MAK: variants seen among roughly 807,000 people sequenced by gnomAD.
MAK encodes the protein serine/threonine-protein kinase MAK.
A neutral mutation model predicts 82.6 loss-of-function variants in MAK; 65 were observed. That is an observed-to-expected ratio of 0.79 (90% confidence interval 0.64 to 0.97). The LOEUF (loss-of-function observed/expected upper bound fraction) is 0.97, where lower values mean the gene tolerates loss of function less well. Ranked by LOEUF, MAK falls within the 50% of genes least tolerant of loss-of-function variation. The probability of loss-of-function intolerance (pLI) is 0.00; values close to 1 mark genes in which losing one functional copy is unlikely to be tolerated. For synonymous variants in MAK, 250 were observed against 274.2 expected (o/e 0.91, Z 0.87); for missense variants, 703 against 780.2 (o/e 0.90, Z 1.18).
chr6:10,827,323 C>G (rs531607727), intron 2 of MAK, among the ~76,000 whole-genome samples: 1 of 152,040 alleles, frequency 6.6e-6, no homozygotes, highest in Admixed American at 6.5e-5. Flanking sequence ...TCTTTCCAGG[C>G]CTTTAAAAAT....
intron 2 of MAK, among the ~76,000 whole-genome samples, chr6:10,826,815 T>C (rs1334635763): frequency 6.6e-6 from 1 of 152,086 alleles, no homozygotes; most frequent in Non-Finnish European, 1.5e-5. Flanking sequence ...CTTTCCCAAT[T>C]AAAAGAGTAC....
rs375315958 is a variant in MAK at position 10,763,435 on chromosome 6, T to A, written c.*1017A>T. ...AAGTCATCAAGCCATTGGGCTTGATTGTCACCTTGAATTCATGGGAACTGT... is the reference window on the plus strand; with the variant it reads ...AAGTCATCAAGCCATTGGGCTTGATAGTCACCTTGAATTCATGGGAACTGT... On this transcript the variant is annotated 3_prime_UTR_variant, in exon 15 of 15. Transcript: ENST00000354489. The A allele has an allele frequency of 3.9e-5, 6 of 152,140 alleles. No homozygotes were observed. The highest frequency in any genetic ancestry group is 1.4e-4 in the African/African-American group (6 of 41,420). 9.4% of individuals were successfully genotyped at this position (152,140 alleles called of 1,614,324 possible). A position where few individuals can be genotyped will look rare whatever the true frequency, so the allele number is the denominator to read the frequency against.
Position 10,830,861 on chromosome 6 carries a change from C to G in MAK, c.-213G>C, listed in dbSNP as rs1778764947. ...GGAATCGGGCAAGGAAACAACACTT[C>G]CATTCTTATAAACACCCTAAAGAAA... On this transcript the variant is annotated 5_prime_UTR_variant, in exon 2 of 15. Coordinates refer to ENST00000354489, the MANE Select transcript of MAK (RefSeq NM_001242957.3). 1 of 572,736 alleles carries G rather than the reference C, an allele frequency of 1.7e-6. No homozygotes were observed. The highest frequency in any genetic ancestry group is 1.9e-5 in the South Asian group (1 of 51,874). 35.5% of individuals were successfully genotyped at this position (572,736 alleles called of 1,614,324 possible).
At chr6:10,796,378 G>GTT (rs1263993664) in intron 8 of MAK, 69 bp from the exon 9 acceptor site, 1 of 1,328,216 alleles carries the variant, frequency 7.5e-7, no homozygotes, top group Non-Finnish European at 1.1e-6. Context: ...ATAAACTATG[G>GTT]TTGGCCCTGT....
At chr6:10,777,218 C>T (rs1243578175) in intron 11 of MAK, among the ~76,000 whole-genome samples, 1 of 151,956 alleles carries the variant, frequency 6.6e-6, no homozygotes, top group Non-Finnish European at 1.5e-5. Context: ...ACAAGCCTGG[C>T]CAACATGGTG....
intron 11 of MAK, chr6:10,779,411 A>G (rs926381748): frequency 1.0e-6 from 1 of 985,242 alleles, no homozygotes. Flanking sequence ...TAGTAGTAGC[A>G]GGTCAGTAAC....
At chr6:10,788,134 G>T (rs1275474257) in intron 10 of MAK, among the ~76,000 whole-genome samples, 1 of 151,668 alleles carries the variant, frequency 6.6e-6, no homozygotes, top group Admixed American at 6.6e-5. Context: ...CGAACTACAG[G>T]TGTGGGCTAC....
intron 6 of MAK, among the ~76,000 whole-genome samples, chr6:10,808,238 CTTTT>C (rs1160181936): frequency 3.3e-5 from 5 of 152,100 alleles, no homozygotes; most frequent in African/African-American, 1.2e-4. Context: ...GGTATGTGCT[CTTTT>C]TCTCTTTGGG....
intron 10 of MAK, among the ~76,000 whole-genome samples, chr6:10,786,818 TATTCACCACTCCGCTA>T (rs1323554429): frequency 5.3e-5 from 7 of 132,374 alleles, no homozygotes; most frequent in Non-Finnish European, 9.5e-5. Context: ...GTTCACCTCC[TATTCACCACTCCGCTA>T]ATTCACCAGT....
At chr6:10,809,194 T>A (rs1776731907) in intron 5 of MAK, among the ~76,000 whole-genome samples, 1 of 152,148 alleles carries the variant, frequency 6.6e-6, no homozygotes, top group African/African-American at 2.4e-5. Flanking sequence ...AACATTTATT[T>A]TTATTTGTGA....
intron 8 of MAK, among the ~76,000 whole-genome samples, chr6:10,796,566 G>T (rs767492690): frequency 5.3e-4 from 80 of 152,294 alleles, no homozygotes; most frequent in Non-Finnish European, 1.1e-3. Flanking sequence ...AGCACTTTGG[G>T]AGGATGAGGT....
intron 5 of MAK, among the ~76,000 whole-genome samples, chr6:10,810,116 G>GA (rs1392300379): frequency 2.1e-5 from 1 of 48,110 alleles, no homozygotes; most frequent in African/African-American, 1.3e-4. Flanking sequence ...AAAAAAAAAA[G>GA]AAAGAAAAGA....
intron 4 of MAK, among the ~76,000 whole-genome samples, chr6:10,815,036 CAAA>C (rs543245812): frequency 2.4e-5 from 3 of 123,378 alleles, no homozygotes; most frequent in Non-Finnish European, 1.7e-5. Flanking sequence ...GACTCCATCT[CAAA>C]AAAAAAAAAA....
At chr6:10,802,300 T>G (rs1776078813) in intron 7 of MAK, 2 of 471,134 alleles carry the variant, frequency 4.2e-6, no homozygotes, top group Non-Finnish European at 7.5e-6. Flanking sequence ...AGCTTTTTTT[T>G]GTTTGTTTTT....
intron 11 of MAK, among the ~76,000 whole-genome samples, chr6:10,780,485 T>C (rs959865847): frequency 1.3e-5 from 2 of 149,736 alleles, no homozygotes; most frequent in Admixed American, 6.7e-5. Context: ...AGACAGAGTC[T>C]TGTTCTGTTT....
chr6:10,805,198 C>T (rs956152305), intron 6 of MAK, among the ~76,000 whole-genome samples: 15 of 152,080 alleles, frequency 9.9e-5, no homozygotes, highest in African/African-American at 2.7e-4. Flanking sequence ...AATAACTTGG[C>T]GAATAATTAT....
At chr6:10,767,290 A>G (rs981418534) in intron 14 of MAK, among the ~76,000 whole-genome samples, 2 of 152,220 alleles carry the variant, frequency 1.3e-5, no homozygotes, top group African/African-American at 4.8e-5. Context: ...GATGCGGATC[A>G]TAATAGTACC....
chr6:10,817,381 G>A (rs1777578865), intron 4 of MAK, among the ~76,000 whole-genome samples: 1 of 152,066 alleles, frequency 6.6e-6, no homozygotes, highest in African/African-American at 2.4e-5. Flanking sequence ...GAATTTCCTT[G>A]GGATTGGTAA....
At chr6:10,782,385 C>T (rs1774078995) in intron 11 of MAK, among the ~76,000 whole-genome samples, 1 of 152,088 alleles carries the variant, frequency 6.6e-6, no homozygotes, top group Admixed American at 6.6e-5. Context: ...CCTTACAAAT[C>T]AGCACAGGAC....
Sources: allele counts gnomAD v4.1 joint callset (sites outside exome capture counted in the v4.1 genomes callset), GRCh38; gene constraint gnomAD v4.1.1; transcripts MANE v1.5; gene names NCBI Gene and HGNC (gene_info 2026-07-23, HGNC 2026-07-21).